Variants in PALM2AKAP2 observed in about 807,000 individuals in gnomAD.
PALM2AKAP2 encodes the protein PALM2 and AKAP2 fusion.
In PALM2AKAP2, 37 loss-of-function variants were observed where a neutral mutation model predicts 71.5. That is an observed-to-expected ratio of 0.52 (90% CI 0.40 to 0.68). The LOEUF (loss-of-function observed/expected upper bound fraction) is 0.68, where lower values mean the gene tolerates loss of function less well. PALM2AKAP2 is among the 30% of genes least tolerant of loss of function. The probability of loss-of-function intolerance (pLI) is 0.00; values close to 1 mark genes in which losing one functional copy is unlikely to be tolerated. For synonymous variants in PALM2AKAP2, 468 were observed against 478.8 expected, an observed-to-expected ratio of 0.98 and a Z score of 0.29; for missense variants, 1,224 against 1,191.8, an observed-to-expected ratio of 1.03 and a Z score of -0.40.
intron 3 of PALM2AKAP2, among the ~76,000 whole-genome samples, chr9:109,896,048 G>A (rs920437269): frequency 6.6e-6 from 1 of 152,122 alleles, no homozygotes; most frequent in Non-Finnish European, 1.5e-5. Flanking sequence ...AGCTGGGCAT[G>A]GTGGCAGGCA....
At chr9:109,675,483 G>A (rs527821162) in intron 1 of PALM2AKAP2, among the ~76,000 whole-genome samples, 1 of 152,224 alleles carries the variant, frequency 6.6e-6, no homozygotes, top group South Asian at 2.1e-4. Flanking sequence ...TTCTGAGTAG[G>A]CAAAAGTTGC....
intron 1 of PALM2AKAP2, among the ~76,000 whole-genome samples, chr9:110,104,204 T>C (rs1373492828): frequency 6.7e-6 from 1 of 149,202 alleles, no homozygotes; most frequent in Non-Finnish European, 1.5e-5. Context: ...GGGTAAGGTA[T>C]CGTATTTTGA....
Position 110,162,152 on chromosome 9 carries a change from T to C in PALM2AKAP2, c.2748+5655T>C, listed in dbSNP as rs1049926368. On this transcript the variant is annotated intron_variant, in intron 3 of 3. Transcript: ENST00000374525. ...TCCGAGGTACTTTTCAATTTGTTTG[T>C]CTTGGTCTTACTGAATGCATGATCC... The C allele has an allele frequency of 6.2e-7, 1 of 1,613,828 alleles. No individual in the cohort carries two copies. The highest frequency in any genetic ancestry group is 1.3e-5 in the African/African-American group (1 of 75,016).
At chr9:109,682,911 C>T (rs879939904) in intron 1 of PALM2AKAP2, among the ~76,000 whole-genome samples, 3 of 152,142 alleles carry the variant, frequency 2.0e-5, no homozygotes, top group Non-Finnish European at 4.4e-5. Context: ...AAAGAGTCTT[C>T]GCAGAGGTAA....
chr9:109,659,594 T>A (rs1827359681), intron 1 of PALM2AKAP2, among the ~76,000 whole-genome samples: 1 of 152,218 alleles, frequency 6.6e-6, no homozygotes, highest in South Asian at 2.1e-4. Flanking sequence ...ATTATCAGTA[T>A]TCCAGGTCTT....
intron 1 of PALM2AKAP2, among the ~76,000 whole-genome samples, chr9:110,120,385 C>A (rs1835456146): frequency 1.3e-5 from 2 of 152,174 alleles, no homozygotes; most frequent in African/African-American, 4.8e-5. Context: ...GGGATGGGGA[C>A]ATTTTATTGG....
chr9:109,963,075 C>T (rs553686365), intron 6 of PALM2AKAP2, among the ~76,000 whole-genome samples: 2 of 152,288 alleles, frequency 1.3e-5, no homozygotes, highest in East Asian at 3.9e-4. Context: ...TGAGGACAGA[C>T]ATCCTGGAGG....
chr9:109,677,220 G>A (rs1827659417), intron 1 of PALM2AKAP2, among the ~76,000 whole-genome samples: 2 of 152,132 alleles, frequency 1.3e-5, no homozygotes, highest in Non-Finnish European at 2.9e-5. Flanking sequence ...ACCTAGAGAG[G>A]AACAGGTACA....
At chr9:109,835,992 A>G (rs1319559382) in intron 1 of PALM2AKAP2, among the ~76,000 whole-genome samples, 5 of 152,236 alleles carry the variant, frequency 3.3e-5, no homozygotes, top group Admixed American at 3.3e-4. Flanking sequence ...AAACCTCTGC[A>G]GACTTAAATG....
chr9:109,786,053 A>G (rs1409653410), intron 1 of PALM2AKAP2, among the ~76,000 whole-genome samples: 1 of 152,230 alleles, frequency 6.6e-6, no homozygotes, highest in Non-Finnish European at 1.5e-5. Flanking sequence ...AGACCTGGGT[A>G]TACGCTGTTG....
At chr9:109,761,795 C>T (rs570982797) in intron 1 of PALM2AKAP2, among the ~76,000 whole-genome samples, 13 of 152,224 alleles carry the variant, frequency 8.5e-5, no homozygotes, top group Admixed American at 3.3e-4. Context: ...TTTGTTGGTT[C>T]CAAGTCTTTG....
intron 1 of PALM2AKAP2, among the ~76,000 whole-genome samples, chr9:109,729,225 A>T (rs1181069561): frequency 6.6e-6 from 1 of 152,150 alleles, no homozygotes; most frequent in Non-Finnish European, 1.5e-5. Flanking sequence ...TGCTAGGTAC[A>T]TTGCCACCGA....
intron 1 of PALM2AKAP2, among the ~76,000 whole-genome samples, chr9:109,788,172 C>A (rs984616953): frequency 2.0e-5 from 3 of 152,186 alleles, no homozygotes; most frequent in Non-Finnish European, 4.4e-5. Flanking sequence ...CAAGTCAGCA[C>A]CTTAATTTGG....
At chr9:109,712,847 A>G (rs577376891) in intron 1 of PALM2AKAP2, among the ~76,000 whole-genome samples, 34 of 152,328 alleles carry the variant, frequency 2.2e-4, no homozygotes, top group African/African-American at 7.2e-4. Flanking sequence ...AAGGCAGTCT[A>G]TTTCCACTGT....
intron 3 of PALM2AKAP2, among the ~76,000 whole-genome samples, chr9:109,907,922 A>T (rs1433760265): frequency 6.6e-6 from 1 of 152,218 alleles, no homozygotes; most frequent in Non-Finnish European, 1.5e-5. Flanking sequence ...TTTCAGGTAC[A>T]ATTAAGTCGT....
chr9:110,039,695 T>A (rs1052636668), intron 7 of PALM2AKAP2, among the ~76,000 whole-genome samples: 4 of 151,308 alleles, frequency 2.6e-5, no homozygotes, highest in African/African-American at 9.7e-5. Flanking sequence ...TCAAACATAG[T>A]AGCAGCAGCA....
chr9:109,670,366 G>A (rs1241498714), intron 1 of PALM2AKAP2, among the ~76,000 whole-genome samples: 1 of 152,086 alleles, frequency 6.6e-6, no homozygotes, highest in Admixed American at 6.6e-5. Flanking sequence ...GAGAACATGA[G>A]GTATTTGGTT....
intron 1 of PALM2AKAP2, among the ~76,000 whole-genome samples, chr9:109,768,300 G>C (rs1829196643): frequency 6.6e-6 from 1 of 152,060 alleles, no homozygotes; most frequent in Admixed American, 6.5e-5. Flanking sequence ...TATTCCTTAG[G>C]ATGACAGTCC....
chr9:109,724,061 A>C (rs1283169640), intron 1 of PALM2AKAP2, among the ~76,000 whole-genome samples: 2 of 152,198 alleles, frequency 1.3e-5, no homozygotes, highest in Non-Finnish European at 2.9e-5. Flanking sequence ...GAAAGTATAT[A>C]AAGGGGCTCA....
Sources: gnomAD v4.1 joint callset for allele counts (sites outside exome capture counted in the v4.1 genomes callset) on GRCh38, gnomAD v4.1.1 for gene constraint, MANE v1.5 for transcripts, NCBI Gene and HGNC (gene_info 2026-07-23, HGNC 2026-07-21) for gene names.